Variants in LIPA observed in about 807,000 individuals in gnomAD.
LIPA encodes lipase A, lysosomal acid type, also known as lysosomal acid lipase/cholesteryl ester hydrolase.
LIPA carries 26 observed loss-of-function variants against 40.6 expected under a neutral mutation model. The observed-to-expected ratio is 0.64, with a 90% CI of 0.47 to 0.89. The LOEUF (loss-of-function observed/expected upper bound fraction) is 0.89. LIPA is among the 40% of genes least tolerant of loss of function. The pLI, the probability that LIPA is intolerant of heterozygous loss-of-function variation, is 0.00. For missense variants in LIPA, 455 were observed against 479.6 expected (o/e 0.95, Z 0.48); for synonymous variants, 188 against 168.4 (o/e 1.12, Z -0.90).
chr10:89,348,026 A>T (rs1843934081), intron 2 of LIPA, among the ~76,000 whole-genome samples: 1 of 152,214 alleles, frequency 6.6e-6, no homozygotes, highest in Non-Finnish European at 1.5e-5. Context: ...TTTCAGAGGA[A>T]CTGCCTTCAA....
At chr10:89,285,166 C>T (rs929367816) in intron 1 of LIPA, 2 of 160,584 alleles carry the variant, frequency 1.2e-5, no homozygotes, top group African/African-American at 4.8e-5. Context: ...GAGATCAATC[C>T]CCTGTCCTCC....
At chr10:89,253,961 T>A (rs1472628677), upstream of LIPA, among the ~76,000 whole-genome samples, 1 of 152,244 alleles carries the variant, frequency 6.6e-6, no homozygotes, top group Non-Finnish European at 1.5e-5. Context: ...TGGGTTCCCA[T>A]GGTCTTGGGC....
chr10:89,322,072 G>A (rs921329720), intron 1 of LIPA, among the ~76,000 whole-genome samples: 1 of 152,100 alleles, frequency 6.6e-6, no homozygotes, highest in Non-Finnish European at 1.5e-5. Flanking sequence ...CCTGTCATGG[G>A]GTAGGGGGAG....
intron 1 of LIPA, chr10:89,328,105 T>G (rs375962330): frequency 1.9e-6 from 3 of 1,612,008 alleles, no homozygotes; most frequent in Non-Finnish European, 1.7e-6. Flanking sequence ...TGCATAATCA[T>G]GCTTGTTTTT....
chr10:89,410,774 G>A (rs540637117), intron 2 of LIPA, among the ~76,000 whole-genome samples: 24 of 152,286 alleles, frequency 1.6e-4, no homozygotes, highest in East Asian at 5.8e-4. Flanking sequence ...TATTGCACGC[G>A]GTGCAAAAAC....
At chr10:89,258,363 G>A (rs963461371) in intron 1 of LIPA, among the ~76,000 whole-genome samples, 1 of 152,070 alleles carries the variant, frequency 6.6e-6, no homozygotes, top group African/African-American at 2.4e-5. Flanking sequence ...TAAGAAATTT[G>A]AGTTTTGTCA....
At chr10:89,297,108 C>T (rs1165052554) in intron 1 of LIPA, among the ~76,000 whole-genome samples, 4 of 152,094 alleles carry the variant, frequency 2.6e-5, no homozygotes, top group Non-Finnish European at 5.9e-5. Flanking sequence ...ACACCCAAGG[C>T]GCAGAAGAAG....
chr10:89,335,676 A>G (rs1843726555), intron 1 of LIPA: 1 of 33,374 alleles, frequency 3.0e-5, no homozygotes, highest in Non-Finnish European at 5.5e-5. Flanking sequence ...GATACTCTCT[A>G]TTAATTACTA....
At chr10:89,363,794 C>T (rs1357074423) in intron 2 of LIPA, among the ~76,000 whole-genome samples, 6 of 116,464 alleles carry the variant, frequency 5.2e-5, no homozygotes, top group African/African-American at 1.4e-4. Flanking sequence ...AAAAAAAAAG[C>T]GAGGGGGGGC....
At chr10:89,255,195 A>C (rs1050061009), upstream of LIPA, among the ~76,000 whole-genome samples, 4 of 152,216 alleles carry the variant, frequency 2.6e-5, no homozygotes, top group African/African-American at 9.6e-5. Context: ...AGACATACCC[A>C]AAACTAGGTA....
At chr10:89,370,117 T>A (rs764039506) in intron 2 of LIPA, among the ~76,000 whole-genome samples, 18 of 152,252 alleles carry the variant, frequency 1.2e-4, no homozygotes, top group Non-Finnish European at 2.4e-4. Context: ...TTAATTAAAA[T>A]AAAATCTAAA....
At chr10:89,367,739 G>C (rs1033035538) in intron 2 of LIPA, among the ~76,000 whole-genome samples, 1 of 152,204 alleles carries the variant, frequency 6.6e-6, no homozygotes, top group African/African-American at 2.4e-5. Flanking sequence ...TGAGTTTTGA[G>C]CGTTTGTGTG....
chr10:89,404,107 A>G (rs1163072242), intron 2 of LIPA: 24 of 157,934 alleles, frequency 1.5e-4, no homozygotes, highest in Admixed American at 1.4e-3. Context: ...TTTCCCAACC[A>G]TGACAAGATG....
At chr10:89,284,106 AAC>A (rs2062338492) in intron 1 of LIPA, 1 of 152,222 alleles carries the variant, frequency 6.6e-6, no homozygotes, top group Admixed American at 6.5e-5. Flanking sequence ...TAGCAATCCT[AAC>A]CAGGAAGTGG....
chr10:89,406,682 C>T (rs1378179909), intron 2 of LIPA, among the ~76,000 whole-genome samples: 1 of 152,100 alleles, frequency 6.6e-6, no homozygotes, highest in Non-Finnish European at 1.5e-5. Context: ...ACAAACCCAC[C>T]AGAAGGAAGA....
At chr10:89,321,828 A>G (rs1843573736) in intron 1 of LIPA, among the ~76,000 whole-genome samples, 1 of 152,254 alleles carries the variant, frequency 6.6e-6, no homozygotes, top group South Asian at 2.1e-4. Context: ...CCAAATGTCC[A>G]TCAATGATAG....
chr10:89,260,407 T>C (rs1342784626), intron 1 of LIPA, among the ~76,000 whole-genome samples: 1 of 152,180 alleles, frequency 6.6e-6, no homozygotes, highest in Non-Finnish European at 1.5e-5. Context: ...AGCGAGAAGC[T>C]GGGGAACCTG....
intron 1 of LIPA, among the ~76,000 whole-genome samples, chr10:89,300,184 G>T (rs761507495): frequency 1.2e-4 from 18 of 152,142 alleles, no homozygotes; most frequent in Non-Finnish European, 4.4e-5. Flanking sequence ...GACAAATACT[G>T]CATGTTCTTA....
intron 2 of LIPA, among the ~76,000 whole-genome samples, chr10:89,412,280 G>A (rs11203112): frequency 0.25 from 38,165 of 152,054 alleles, 4,987 homozygotes; most frequent in Middle Eastern, 0.28. Context: ...CTAGCTAAAG[G>A]ATTGTAAACG....
Sources: allele counts gnomAD v4.1 joint callset (sites outside exome capture counted in the v4.1 genomes callset), GRCh38; gene constraint gnomAD v4.1.1; transcripts MANE v1.5; gene names NCBI Gene and HGNC (gene_info 2026-07-23, HGNC 2026-07-21).